Variants in SLC6A19 observed in about 807,000 individuals in gnomAD.
The protein encoded by SLC6A19 is solute carrier family 6 member 19.
A neutral mutation model predicts 68.3 loss-of-function variants in SLC6A19; 67 were observed. That is an observed-to-expected ratio of 0.98 (90% CI 0.81 to 1.20). The LOEUF (loss-of-function observed/expected upper bound fraction) is 1.20. Ranked by LOEUF, SLC6A19 falls within the 50% of genes most tolerant of loss-of-function variation. The pLI is 0.00. For synonymous variants in SLC6A19, 392 were observed against 374.9 expected (o/e 1.05, Z -0.53); for missense variants, 813 against 851.6 (o/e 0.95, Z 0.56).
chr5:1,216,524 T>A (rs776679031), intron 6 of SLC6A19, 34 bp from the exon 7 acceptor site: 2 of 1,613,510 alleles, frequency 1.2e-6, no homozygotes, highest in Admixed American at 3.3e-5. Flanking sequence ...TGGGACCTCA[T>A]CGCCAGCCGC....
At chr5:1,210,669 C>A in intron 3 of SLC6A19, 88 bp downstream of exon 3, 2 of 1,578,244 alleles carry the variant, frequency 1.3e-6, no homozygotes, top group South Asian at 1.1e-5. Context: ...AAACTCAGGT[C>A]AGGCGTGGCA....
Position 1,215,822 on chromosome 5 carries a change from G to T in SLC6A19, c.888-736G>T, listed in dbSNP as rs755165360. Among the ~76,000 whole-genome samples, 8 of 152,114 alleles carry T rather than the reference G, an allele frequency of 5.3e-5. No homozygotes were observed. Among genetic ancestry groups the T allele is most frequent in the Admixed American group, 5.2e-4 (8 of 15,264 alleles). On this transcript the variant is annotated intron_variant, in intron 6 of 11. Transcript: ENST00000304460. The surrounding 1 kb of genome is among the most constrained non-coding windows in gnomAD (Gnocchi z 5.1). Reference sequence around the variant, plus strand: ...GAGGAGCTGTCAGGCTGTTTTCCACGGTGGCTGCACCACTCACGTTCCCAC... The same window carrying T: ...GAGGAGCTGTCAGGCTGTTTTCCACTGTGGCTGCACCACTCACGTTCCCAC...
chr5:1,217,626 C>T (rs539197657), intron 8 of SLC6A19, among the ~76,000 whole-genome samples: 1 of 152,346 alleles, frequency 6.6e-6, no homozygotes, highest in Non-Finnish European at 1.5e-5. Context: ...CAGAGGGCTC[C>T]GCGGCCTCTC....
chr5:1,216,542 C>G lies in SLC6A19; in HGVS notation c.888-16C>G. ...GACCTCATCGCCAGCCGCCATGACA[C>G]TGGTCTCGTCTGCAGCAACAACTGC... On this transcript the variant is annotated splice_polypyrimidine_tract_variant and intron_variant, in intron 6 of 11. Coordinates refer to ENST00000304460, the MANE Select transcript of SLC6A19 (RefSeq NM_001003841.3). 1 of 1,614,024 alleles carries G rather than the reference C, an allele frequency of 6.2e-7. No individual in the cohort carries two copies. Among genetic ancestry groups the G allele is most frequent in the Non-Finnish European group, 8.5e-7 (1 of 1,180,022 alleles).
In SLC6A19 at chr5:1,215,170, A is replaced by G. The variant is rs1053749196; in HGVS notation, c.887+1105A>G. On this transcript the variant is annotated intron_variant, in intron 6 of 11. Coordinates refer to ENST00000304460, the MANE Select transcript of SLC6A19 (RefSeq NM_001003841.3). This position sits in a 1 kb window ranked among gnomAD's most constrained non-coding sequence, Gnocchi z 5.1. ...CACTGCAGGCAGCTGGGGCAGGGCC[A>G]AGGCAGGATTGAGGACTCTGACTTT... Among the ~76,000 whole-genome samples the G allele has an allele frequency of 1.8e-4, 27 of 152,212 alleles. No individual in the cohort carries two copies. The highest frequency in any genetic ancestry group is 1.4e-3 in the Admixed American group (22 of 15,300).
At chr5:1,218,291 G>A (rs1746262309) in intron 8 of SLC6A19, among the ~76,000 whole-genome samples, 1 of 152,208 alleles carries the variant, frequency 6.6e-6, no homozygotes, top group Admixed American at 6.5e-5. Flanking sequence ...TTCCCTGCAG[G>A]GAGCCCCACG....
intron 1 of SLC6A19, among the ~76,000 whole-genome samples, chr5:1,205,199 C>G (rs867433945): frequency 5.3e-5 from 8 of 152,244 alleles, no homozygotes; most frequent in African/African-American, 9.6e-5. Flanking sequence ...CAGAGCCACG[C>G]AGTGTTCCCT....
At chr5:1,213,824 C>A in intron 5 of SLC6A19, 129 bp from the exon 6 acceptor site, 1 of 1,470,230 alleles carries the variant, frequency 6.8e-7, no homozygotes, top group Non-Finnish European at 9.3e-7. Context: ...GCTGCCACCC[C>A]AGGGGGCCCT....
chr5:1,221,899 T>C lies in SLC6A19; in HGVS notation c.1900T>C (p.Tyr634His). 1 of 1,613,786 alleles carries C rather than the reference T, an allele frequency of 6.2e-7. No individual in the cohort carries two copies. The highest frequency in any genetic ancestry group is 1.1e-5 in the South Asian group (1 of 91,076). Reference sequence around the variant, plus strand: ...AGCCTCCATGAACGGGGACCTGAAGTACTGAGAAGGCCCATCCCACGGCGT... The same window carrying C: ...AGCCTCCATGAACGGGGACCTGAAGCACTGAGAAGGCCCATCCCACGGCGT... ...STASMNGDLK[Y>H] is the part of the protein sequence containing the mutation. The change falls in exon 12 of 12, where the codon TAC becomes CAC. Residue 634 changes from tyrosine (Y) to histidine (H), a missense_variant. Physicochemically the swap from Tyr to His is moderately conservative, Grantham distance 83. Coordinates refer to ENST00000304460, the MANE Select transcript of SLC6A19 (RefSeq NM_001003841.3).
chr5:1,218,840 G>C (rs1449380335), intron 8 of SLC6A19, 63 bp from the exon 9 acceptor site: 1 of 1,570,254 alleles, frequency 6.4e-7, no homozygotes, highest in African/African-American at 1.3e-5. Flanking sequence ...CGAGACCTCG[G>C]GCGGGGAGGA....
At chr5:1,217,020 C>T in intron 8 of SLC6A19, 75 bp downstream of exon 8, 2 of 1,604,220 alleles carry the variant, frequency 1.2e-6, no homozygotes, top group Admixed American at 1.7e-5. Flanking sequence ...CACCCCTGGG[C>T]CCCTGGCCTG....
chr5:1,213,616 C>T (rs1439813891), intron 5 of SLC6A19, 43 bp downstream of exon 5: 6 of 1,549,988 alleles, frequency 3.9e-6, no homozygotes, highest in Non-Finnish European at 5.3e-6. Flanking sequence ...CCGGGAGAGG[C>T]CTGGCTGCCC....
intron 1 of SLC6A19, among the ~76,000 whole-genome samples, chr5:1,207,819 T>A (rs367548825): frequency 2.0e-5 from 3 of 152,372 alleles, no homozygotes; most frequent in East Asian, 3.9e-4. Context: ...CCAGACTGAA[T>A]GACCACAATT....
intron 5 of SLC6A19, 42 bp downstream of exon 5, chr5:1,213,615 G>A: frequency 6.4e-7 from 1 of 1,564,826 alleles, no homozygotes; most frequent in Non-Finnish European, 8.8e-7. Flanking sequence ...CCCGGGAGAG[G>A]CCTGGCTGCC....
At chr5:1,216,710 G>T (rs761269740) in intron 7 of SLC6A19, 24 bp downstream of exon 7, 1 of 1,613,662 alleles carries the variant, frequency 6.2e-7, no homozygotes, top group South Asian at 1.1e-5. Context: ...CCACCATCCT[G>T]GTGCCTTGGG....
In SLC6A19 at chr5:1,201,734, G is replaced by A. The variant is rs768931226; in HGVS notation, c.84G>A (p.Glu28=). The change falls in exon 1 of 12, where the codon GAG becomes GAA. Residue 28 remains glutamate (E), a synonymous_variant. Coordinates refer to ENST00000304460, the MANE Select transcript of SLC6A19 (RefSeq NM_001003841.3). ...AGCTGGAGACCATCGAGCAGGAGGAGGCCAGCTCCCGGCCGAAGTGGGACA... is the reference window on the plus strand; with the variant it reads ...AGCTGGAGACCATCGAGCAGGAGGAAGCCAGCTCCCGGCCGAAGTGGGACA... The part of the protein sequence containing the change: ...LAELETIEQE[E]ASSRPKWDNK... 1.2e-6 allele frequency: 2 copies of A among 1,612,686 alleles called. No homozygotes were observed. Among genetic ancestry groups the A allele is most frequent in the South Asian group, 1.1e-5 (1 of 91,076 alleles).
chr5:1,213,568 C>A lies in SLC6A19; in HGVS notation c.769C>A (p.Pro257Thr). Residue 257 changes from proline to threonine, a missense_variant, in exon 5 of 12, where the codon CCC becomes ACC. Pro to Thr is a conservative substitution (Grantham distance 38). Transcript: ENST00000304460. ...ATNGIVFLFT[P>T]NVTELAQPDT... ...CAATGGCATCGTCTTCCTCTTCACG[C>A]CCAACGTAAGTCCCCGAGGCTGCCC... 2 of 1,612,086 alleles carry A rather than the reference C, an allele frequency of 1.2e-6. No individual in the cohort carries two copies. The highest frequency in any genetic ancestry group is 2.7e-5 in the African/African-American group (2 of 74,748).
At chr5:1,216,398 C>T (rs1243515292) in intron 6 of SLC6A19, among the ~76,000 whole-genome samples, 160 bp from the exon 7 acceptor site, 2 of 152,168 alleles carry the variant, frequency 1.3e-5, no homozygotes, top group South Asian at 2.1e-4. Context: ...TGAGCCTGCT[C>T]GGAGTGGGGC....
chr5:1,214,064 C>CGG lies in SLC6A19; in HGVS notation c.886_887insGG (p.His296ArgfsTer10). 1.2e-6 allele frequency: 2 copies of CGG among 1,613,824 alleles called. No homozygotes were observed. The highest frequency in any genetic ancestry group is 1.7e-6 in the Non-Finnish European group (2 of 1,179,996). ...CTCCTTCTCCAGCTACAACTCTGTG[C>CGG]AGTGAGTGCGGGTGTGGTGGGCCTC... On this transcript the variant is annotated frameshift_variant and splice_region_variant, in exon 6 of 12. Coordinates refer to ENST00000304460, the MANE Select transcript of SLC6A19 (RefSeq NM_001003841.3). LOFTEE classifies it high-confidence loss of function. This position sits in a 1 kb window ranked among gnomAD's most constrained non-coding sequence, Gnocchi z 7.4.
Sources: gnomAD v4.1 joint callset for allele counts (sites outside exome capture counted in the v4.1 genomes callset) on GRCh38, gnomAD v4.1.1 for gene constraint, Gnocchi (gnomAD v3.1) non-coding constraint, MANE v1.5 for transcripts, NCBI Gene and HGNC (gene_info 2026-07-23, HGNC 2026-07-21) for gene names.